HEATR1: variants seen among roughly 807,000 people sequenced by gnomAD.
The protein encoded by HEATR1 is HEAT repeat containing 1.
A neutral mutation model predicts 248.2 loss-of-function variants in HEATR1; 77 were observed. That is an observed-to-expected ratio of 0.31 (90% CI 0.26 to 0.37). The LOEUF (loss-of-function observed/expected upper bound fraction) is 0.37. Among genes scored for constraint, HEATR1 ranks in the 10% least tolerant of loss-of-function variants. HEATR1 has a pLI of 1.00. For synonymous variants in HEATR1, 897 were observed against 923.1 expected, an observed-to-expected ratio of 0.97 and a Z score of 0.51; for missense variants, 2,420 against 2,504.9, an observed-to-expected ratio of 0.97 and a Z score of 0.72.
Position 236,587,402 on chromosome 1 carries a change from C to A in HEATR1, c.1715G>T (p.Trp572Leu). 1.4e-6 allele frequency: 2 copies of A among 1,438,028 alleles called. No homozygotes were observed. Among genetic ancestry groups the A allele is most frequent in the South Asian group, 1.3e-5 (1 of 74,222 alleles). 89.1% of individuals were successfully genotyped at this position (1,438,028 alleles called of 1,614,324 possible). A position where few individuals can be genotyped will look rare whatever the true frequency, so the allele number is the denominator to read the frequency against. Residue 572 changes from tryptophan (W) to leucine (L), a missense_variant and splice_region_variant, in exon 14 of 45, where the codon TGG (tryptophan) becomes TTG (leucine). Physicochemically the swap from Trp to Leu is moderately conservative, Grantham distance 61. Transcript: ENST00000366582. Reference protein sequence around the residue: ...QRAELSKNGEWYEVLKIAADI... With the variant: ...QRAELSKNGELYEVLKIAADI... ...AGTATGAGGAGAAATGAATACATACCATTCTCCATTCTTTGAAAGTTCTGC... is the reference window on the plus strand; with the variant it reads ...AGTATGAGGAGAAATGAATACATACAATTCTCCATTCTTTGAAAGTTCTGC...
chr1:236,590,809 G>GA lies in HEATR1; in HGVS notation c.1530+37dup, dbSNP rs764486162. 4.5e-3 allele frequency: 4,847 copies of GA among 1,083,430 alleles called. 1 individual carries two copies. Among genetic ancestry groups the GA allele is most frequent in the South Asian group, 7.4e-3 (328 of 44,156 alleles). The allele number at this position is 1,083,430 out of a possible 1,614,324, so 67.1% of individuals were successfully genotyped here. A position where few individuals can be genotyped will look rare whatever the true frequency, so the allele number is the denominator to read the frequency against. On this transcript the variant is annotated intron_variant, in intron 12 of 44. Transcript: ENST00000366582. ...TTCAGAATTACACTGCTCATCATAA[G>GA]AAAAAAAAACCATATAAAAAAGCGA...
rs1320471337 is a variant in HEATR1 at position 236,587,297 on chromosome 1, G to C, written c.1715+105C>G. The C allele has an allele frequency of 2.4e-5, 11 of 453,802 alleles. No individual in the cohort carries two copies. The Admixed American group carries it at 4.5e-4, about 19-fold the overall frequency. 28.1% of individuals were successfully genotyped at this position (453,802 alleles called of 1,614,324 possible). A position where few individuals can be genotyped will look rare whatever the true frequency, so the allele number is the denominator to read the frequency against. On this transcript the variant is annotated intron_variant, in intron 14 of 44. Coordinates refer to ENST00000366582, the MANE Select transcript of HEATR1 (RefSeq NM_018072.6). Reference sequence around the variant, plus strand: ...ATCTGTTCTACTACCACGACAAAAGGGTCATGTAATCAAAGCCTTAAAAAA... The same window carrying C: ...ATCTGTTCTACTACCACGACAAAAGCGTCATGTAATCAAAGCCTTAAAAAA...
rs1664170184 is a variant in HEATR1, at chr1:236,596,059, A to G, written c.745-15T>C. 1 of 1,543,296 alleles carries G rather than the reference A, an allele frequency of 6.5e-7. No homozygotes were observed. Among genetic ancestry groups the G allele is most frequent in the Non-Finnish European group, 8.9e-7 (1 of 1,121,160 alleles). Reference sequence around the variant, plus strand: ...GATTTCAATCCCTAAATATTTTTTAAATATAAGGAAAAATGATAAACCATA... The same window carrying G: ...GATTTCAATCCCTAAATATTTTTTAGATATAAGGAAAAATGATAAACCATA... On this transcript the variant is annotated splice_polypyrimidine_tract_variant and intron_variant, in intron 6 of 44. Coordinates refer to ENST00000366582, the MANE Select transcript of HEATR1 (RefSeq NM_018072.6).
In HEATR1 at chr1:236,571,483, G is replaced by A; in HGVS notation, c.3827-11C>T. On this transcript the variant is annotated splice_polypyrimidine_tract_variant and intron_variant, in intron 27 of 44. Coordinates refer to ENST00000366582, the MANE Select transcript of HEATR1 (RefSeq NM_018072.6). ...CCTCATCTAAAATATCTACAATGGTGAGAAAGACAAAAACCCTAAGTGGCA... is the reference window on the plus strand; with the variant it reads ...CCTCATCTAAAATATCTACAATGGTAAGAAAGACAAAAACCCTAAGTGGCA... 1 of 1,613,460 alleles carries A rather than the reference G, an allele frequency of 6.2e-7. No individual in the cohort carries two copies. The highest frequency in any genetic ancestry group is 8.5e-7 in the Non-Finnish European group (1 of 1,179,880).
Position 236,572,904 on chromosome 1 carries a change from G to T in HEATR1, c.3460-76C>A, listed in dbSNP as rs150217106. 14 of 1,302,534 alleles carry T rather than the reference G, an allele frequency of 1.1e-5. No homozygotes were observed. In the African/African-American group the frequency reaches 1.5e-4, roughly 14 times the overall value. The allele number at this position is 1,302,534 out of a possible 1,614,324, so 80.7% of individuals were successfully genotyped here. ...TTAGAGCAATAAATGTTAACCCCTAGGAAGGATTTATTCAATTAAGAGGGA... is the reference window on the plus strand; with the variant it reads ...TTAGAGCAATAAATGTTAACCCCTATGAAGGATTTATTCAATTAAGAGGGA... On this transcript the variant is annotated intron_variant, in intron 24 of 44. Coordinates refer to ENST00000366582, the MANE Select transcript of HEATR1 (RefSeq NM_018072.6).
Position 236,553,595 on chromosome 1 carries a change from C to G in HEATR1, c.6223G>C (p.Asp2075His). ...CAGTTCCTAACCTTAGGCGAGGAGT[C>G]TCTCGTCTTTAGCAGAATCTGGTAG... ...LNYQILLKTRDSSPKVRFAAL... is the reference protein window; with the variant it reads ...LNYQILLKTRHSSPKVRFAAL... Residue 2075 changes from aspartate (D) to histidine (H), a missense_variant, in exon 43 of 45, where the codon GAC (aspartate) becomes CAC (histidine). Coordinates refer to ENST00000366582, the MANE Select transcript of HEATR1 (RefSeq NM_018072.6). 1.2e-6 allele frequency: 2 copies of G among 1,613,730 alleles called. No homozygotes were observed. Among genetic ancestry groups the G allele is most frequent in the South Asian group, 2.2e-5 (2 of 90,984 alleles).
chr1:236,552,393 CAATAA>C (rs1019737418), intron 43 of HEATR1: 76 of 200,352 alleles, frequency 3.8e-4, no homozygotes, highest in African/African-American at 1.7e-3. Flanking sequence ...TAAAAAAAAC[CAATAA>C]AATAAAATGC....
intron 26 of HEATR1, 54 bp from the exon 27 acceptor site, chr1:236,571,740 T>C: frequency 7.7e-7 from 1 of 1,306,040 alleles, no homozygotes; most frequent in Non-Finnish European, 1.1e-6. Flanking sequence ...GTACAATTCA[T>C]TGTTACATTA....
At chr1:236,558,581 G>T in intron 35 of HEATR1, 52 bp from the exon 36 acceptor site, 1 of 1,534,718 alleles carries the variant, frequency 6.5e-7, no homozygotes, top group Non-Finnish European at 8.8e-7. Flanking sequence ...AAAAATGTTT[G>T]TCCATTTTCC....
chr1:236,583,635 C>T (rs952759826), intron 17 of HEATR1, among the ~76,000 whole-genome samples: 1 of 151,804 alleles, frequency 6.6e-6, no homozygotes, highest in Admixed American at 6.6e-5. Flanking sequence ...TACAGGTGCC[C>T]GCCATCATGC....
chr1:236,588,510 A>C (rs985989741), intron 12 of HEATR1, among the ~76,000 whole-genome samples: 3 of 152,232 alleles, frequency 2.0e-5, no homozygotes, highest in Non-Finnish European at 4.4e-5. Flanking sequence ...GGGTTGTTAG[A>C]AGATTAAAAA....
At chr1:236,571,000 A>G (rs1015539453) in intron 28 of HEATR1, among the ~76,000 whole-genome samples, 2 of 152,260 alleles carry the variant, frequency 1.3e-5, no homozygotes, top group Non-Finnish European at 2.9e-5. Flanking sequence ...TTACTTGAGG[A>G]TAAATGAGAT....
Position 236,585,184 on chromosome 1 carries a change from C to A in HEATR1, c.2082G>T (p.Glu694Asp), listed in dbSNP as rs1306579157. 6.2e-7 allele frequency: 1 copy of A among 1,612,770 alleles called. No homozygotes were observed. The highest frequency in any genetic ancestry group is 8.5e-7 in the Non-Finnish European group (1 of 1,179,018). ...VEDLISVGEE[E>D]SFNLKQKVTF... ...TTACTTTCTGCTTCAGGTTAAAGGA[C>A]TCCTCCTCACCCACGCTTATTAAAT... The change falls in exon 17 of 45, where the codon GAG becomes GAT. Residue 694 changes from glutamate to aspartate, a missense_variant. Glu to Asp is a conservative substitution (Grantham distance 45, BLOSUM62 2). Coordinates refer to ENST00000366582, the MANE Select transcript of HEATR1 (RefSeq NM_018072.6).
intron 3 of HEATR1, among the ~76,000 whole-genome samples, chr1:236,601,688 C>A (rs1003135293): frequency 6.7e-6 from 1 of 149,456 alleles, no homozygotes; most frequent in East Asian, 2.0e-4. Context: ...AAAAAAAAAA[C>A]TAGGTGGGCA....
At chr1:236,580,827 T>G (rs1014810971) in intron 20 of HEATR1, among the ~76,000 whole-genome samples, 2 of 147,282 alleles carry the variant, frequency 1.4e-5, no homozygotes, top group African/African-American at 5.1e-5. Flanking sequence ...TTTATCGATT[T>G]TTTTTTTTTT....
In HEATR1 at chr1:236,596,848, G is replaced by A. The variant is rs112182547; in HGVS notation, c.732C>T (p.Pro244=). The A allele has an allele frequency of 1.8e-5, 29 of 1,612,950 alleles. No homozygotes were observed. In the African/African-American group the frequency reaches 1.9e-4, roughly 10 times the overall value. Residue 244 remains proline, a synonymous_variant, in exon 6 of 45, where the codon CCC becomes CCT. Transcript: ENST00000366582. ...VSDNIIAKLF[P]YIQKGLKSSL... The stretch of plus-strand genomic sequence containing the variant: ...CAGCAGTGCCAACCTTTTGGATATA[G>A]GGAAATAGTTTGGCGATGATATTGT...
At chr1:236,577,176 A>G (rs1337404580) in intron 20 of HEATR1, among the ~76,000 whole-genome samples, 1 of 150,954 alleles carries the variant, frequency 6.6e-6, no homozygotes, top group Non-Finnish European at 1.5e-5. Flanking sequence ...TTCTACACCA[A>G]CTGCTATCAC....
At chr1:236,596,291 C>T (rs1409131709) in intron 6 of HEATR1, among the ~76,000 whole-genome samples, 1 of 152,182 alleles carries the variant, frequency 6.6e-6, no homozygotes, top group Non-Finnish European at 1.5e-5. Context: ...ACCACATGTC[C>T]TGACAGGAGC....
At chr1:236,553,486 G>A (rs1662844525) in intron 43 of HEATR1, 95 bp downstream of exon 43, 7 of 1,241,620 alleles carry the variant, frequency 5.6e-6, no homozygotes, top group Non-Finnish European at 7.8e-6. Context: ...TTCCCTGCCA[G>A]TTTACTAGGG....
Sources: gnomAD v4.1 joint callset for allele counts (sites outside exome capture counted in the v4.1 genomes callset) on GRCh38, gnomAD v4.1.1 for gene constraint, MANE v1.5 for transcripts, NCBI Gene and HGNC (gene_info 2026-07-23, HGNC 2026-07-21) for gene names.